The following LRRC14B variants were observed in gnomAD, a reference collection of about 807,000 sequenced individuals.
LRRC14B encodes the protein leucine rich repeat containing 14B, also known as leucine-rich repeat-containing protein 14B.
In LRRC14B, 23 loss-of-function variants were observed where a neutral mutation model predicts 16.9. The ratio of observed to expected loss-of-function variants is 1.36; its 90% CI spans 0.98 to 1.92. The LOEUF (loss-of-function observed/expected upper bound fraction) is 1.92. Among genes scored for constraint, LRRC14B ranks in the 30% most tolerant of loss-of-function variants. The pLI is 0.00. For synonymous variants in LRRC14B, 358 were observed against 332.5 expected, an observed-to-expected ratio of 1.08 and a Z score of -0.83; for missense variants, 766 against 705.7, an observed-to-expected ratio of 1.09 and a Z score of -0.97.
chr5:195,464 C>T lies in LRRC14B; in HGVS notation c.*111C>T, dbSNP rs150867587. The T allele has an allele frequency of 5.1e-4, 515 of 1,002,776 alleles. 1 individual carries two copies. The African/African-American group carries it at 7.7e-3, about 15-fold the overall frequency. The allele number at this position is 1,002,776 out of a possible 1,614,324, so 62.1% of individuals were successfully genotyped here. A position where few individuals can be genotyped will look rare whatever the true frequency, so the allele number is the denominator to read the frequency against. ...GCATTCATCCCCACCACCACCACCACCAAAAGCAGTTCTTAGTGAAAATTG... is the reference window on the plus strand; with the variant it reads ...GCATTCATCCCCACCACCACCACCATCAAAAGCAGTTCTTAGTGAAAATTG... On this transcript the variant is annotated 3_prime_UTR_variant, in exon 2 of 2. Transcript: ENST00000328278.
chr5:195,380 C>A lies in LRRC14B; in HGVS notation c.*27C>A. 1 of 1,586,644 alleles carries A rather than the reference C, an allele frequency of 6.3e-7. No individual in the cohort carries two copies. On this transcript the variant is annotated 3_prime_UTR_variant, in exon 2 of 2. Transcript: ENST00000328278. ...TCCTCCACTCGCACCAGTGACAGGT[C>A]TTGCATTTCAGCCTGCAGGTGCCCC...
chr5:192,140 T>C lies in LRRC14B; in HGVS notation c.602T>C (p.Leu201Pro). The change falls in exon 1 of 2, where the codon CTC (leucine) becomes CCC (proline). Residue 201 changes from leucine to proline, a missense_variant. Coordinates refer to ENST00000328278, the MANE Select transcript of LRRC14B (RefSeq NM_001080478.3). ...FRADSLSPSQ[L>P]LHVLRLAGPG... The stretch of plus-strand genomic sequence containing the variant: ...GCGGACAGCCTGAGCCCCAGCCAGC[T>C]CCTGCACGTGCTGCGTCTGGCTGGC... The C allele has an allele frequency of 1.9e-6, 3 of 1,589,274 alleles. No homozygotes were observed. Among genetic ancestry groups the C allele is most frequent in the South Asian group, 2.3e-5 (2 of 87,522 alleles).
Position 191,497 on chromosome 5 carries a change from A to G in LRRC14B, c.-42A>G, listed in dbSNP as rs371388293. On this transcript the variant is annotated 5_prime_UTR_variant, in exon 1 of 2. Transcript: ENST00000328278. ...AGCTAAAGATAGGCGTGAAGGGCAC[A>G]CGCCTTGGGGAAAGTCGTGGGGAGC... The G allele has an allele frequency of 6.4e-7, 1 of 1,561,706 alleles. No homozygotes were observed. Among genetic ancestry groups the G allele is most frequent in the African/African-American group, 1.4e-5 (1 of 73,670 alleles).
In LRRC14B at chr5:195,423, C is replaced by T. The variant is rs1013919995; in HGVS notation, c.*70C>T. On this transcript the variant is annotated 3_prime_UTR_variant, in exon 2 of 2. Coordinates refer to ENST00000328278, the MANE Select transcript of LRRC14B (RefSeq NM_001080478.3). ...GGTGCCCCGGGCTTTAGTCCTGGAT[C>T]TGAGGCTTGGGCCCGGCATTCATCC... is the stretch of plus-strand genomic sequence containing the variant. 1.3e-5 allele frequency: 19 copies of T among 1,421,086 alleles called. No homozygotes were observed. Among genetic ancestry groups the T allele is most frequent in the Non-Finnish European group, 1.8e-5 (19 of 1,052,100 alleles). 88.0% of individuals were successfully genotyped at this position (1,421,086 alleles called of 1,614,324 possible). A position where few individuals can be genotyped will look rare whatever the true frequency, so the allele number is the denominator to read the frequency against.
At chr5:193,460 G>A (rs1312923039) in intron 1 of LRRC14B, among the ~76,000 whole-genome samples, 1 of 145,828 alleles carries the variant, frequency 6.9e-6, no homozygotes, top group African/African-American at 2.6e-5. Context: ...TCCTGGTGGG[G>A]CGTTTGGCAG....
rs766620493 is a variant in LRRC14B at position 191,514 on chromosome 5, G to C, written c.-25G>C. The C allele has an allele frequency of 3.8e-6, 6 of 1,580,262 alleles. No homozygotes were observed. The highest frequency in any genetic ancestry group is 5.2e-6 in the Non-Finnish European group (6 of 1,158,414). On this transcript the variant is annotated 5_prime_UTR_variant, in exon 1 of 2. Coordinates refer to ENST00000328278, the MANE Select transcript of LRRC14B (RefSeq NM_001080478.3). ...AAGGGCACACGCCTTGGGGAAAGTC[G>C]TGGGGAGCGGTCCTGTCTCGGGCCA...
At chr5:192,966 T>C (rs1455383620) in intron 1 of LRRC14B, among the ~76,000 whole-genome samples, 1 of 152,054 alleles carries the variant, frequency 6.6e-6, no homozygotes, top group African/African-American at 2.4e-5. Flanking sequence ...ACAGGAGGCT[T>C]ATGCAGGATC....
rs114804588 is a variant in LRRC14B at position 195,676 on chromosome 5, G to A, written c.*323G>A. 4.0e-3 allele frequency: 1,559 copies of A among 392,092 alleles called. 25 individuals carry two copies. Among genetic ancestry groups the A allele is most frequent in the African/African-American group, 0.029 (1,417 of 48,784 alleles). 24.3% of individuals were successfully genotyped at this position (392,092 alleles called of 1,614,324 possible). A position where few individuals can be genotyped will look rare whatever the true frequency, so the allele number is the denominator to read the frequency against. ...AGCCCGGGAGGTGTGAGGAGTGGCC[G>A]ACCTGGCCTCAGCGCATCTGGGCAC... On this transcript the variant is annotated 3_prime_UTR_variant, in exon 2 of 2. Transcript: ENST00000328278.
At chr5:193,427 G>GA (rs2126487629) in intron 1 of LRRC14B, among the ~76,000 whole-genome samples, 1 of 148,142 alleles carries the variant, frequency 6.8e-6, no homozygotes, top group African/African-American at 2.5e-5. Flanking sequence ...GGGTTCTGGG[G>GA]GCTGGGGGCA....
In LRRC14B at chr5:191,548, A is replaced by T; in HGVS notation, c.10A>T (p.Met4Leu). The stretch of plus-strand genomic sequence containing the variant: ...GGTCCTGTCTCGGGCCATGGACACA[A>T]TGAGGTCACTCCGCTTCATTTCTGC... MDT[M>L]RSLRFISAEA... Residue 4 changes from methionine (M) to leucine (L), a missense_variant, in exon 1 of 2, where the codon ATG (methionine) becomes TTG (leucine). Coordinates refer to ENST00000328278, the MANE Select transcript of LRRC14B (RefSeq NM_001080478.3). 1.9e-6 allele frequency: 3 copies of T among 1,610,228 alleles called. No homozygotes were observed. The highest frequency in any genetic ancestry group is 1.7e-6 in the Non-Finnish European group (2 of 1,177,750).
chr5:195,504 A>T lies in LRRC14B; in HGVS notation c.*151A>T, dbSNP rs986779576. Among the ~76,000 whole-genome samples the T allele has an allele frequency of 2.0e-5, 3 of 152,206 alleles. No homozygotes were observed. The highest frequency in any genetic ancestry group is 4.4e-5 in the Non-Finnish European group (3 of 68,036). On this transcript the variant is annotated 3_prime_UTR_variant, in exon 2 of 2. Transcript: ENST00000328278. The stretch of plus-strand genomic sequence containing the variant: ...AGTGAAAATTGTAGGCGAGCCTGTT[A>T]AGCGTTGTAGAAGAGGAAGCCTTCC...
chr5:194,638 A>G (rs1218654863), intron 1 of LRRC14B, 70 bp from the exon 2 acceptor site: 1 of 1,453,252 alleles, frequency 6.9e-7, no homozygotes, highest in Non-Finnish European at 9.2e-7. Flanking sequence ...GGTTGTTCCC[A>G]TTCGCCTGAG....
chr5:194,926 T>C lies in LRRC14B; in HGVS notation c.1118T>C (p.Val373Ala). ...CTGACACTGGAGGAGTGTGGCATCG[T>C]AGACAGCCACGTTGGCATGCTGATC... ...RILTLEECGIVDSHVGMLILG... is the reference protein window; with the variant it reads ...RILTLEECGIADSHVGMLILG... The change falls in exon 2 of 2, where the codon GTA becomes GCA. Residue 373 changes from valine (V) to alanine (A), a missense_variant. Physicochemically the swap from Val to Ala is moderately conservative, Grantham distance 64 (BLOSUM62 0). Coordinates refer to ENST00000328278, the MANE Select transcript of LRRC14B (RefSeq NM_001080478.3). The C allele has an allele frequency of 2.5e-6, 4 of 1,611,956 alleles. No individual in the cohort carries two copies. Among genetic ancestry groups the C allele is most frequent in the Non-Finnish European group, 2.5e-6 (3 of 1,179,062 alleles).
In LRRC14B at chr5:191,836, C is replaced by T; in HGVS notation, c.298C>T (p.Gln100Ter). The T allele has an allele frequency of 6.5e-7, 1 of 1,528,360 alleles. No homozygotes were observed. Among genetic ancestry groups the T allele is most frequent in the Non-Finnish European group, 8.7e-7 (1 of 1,143,072 alleles). The allele number at this position is 1,528,360 out of a possible 1,614,324, so 94.7% of individuals were successfully genotyped here. A position where few individuals can be genotyped will look rare whatever the true frequency, so the allele number is the denominator to read the frequency against. ...GCGCGGCCTCGCGGACCACGTGCTGCAGGACCGGAGCCGCCGGCGGCTGCG... is the reference window on the plus strand; with the variant it reads ...GCGCGGCCTCGCGGACCACGTGCTGTAGGACCGGAGCCGCCGGCGGCTGCG... ...LVRGLADHVLQDRSRRRLRVA... is the reference protein window; with the variant it reads ...LVRGLADHVL The change falls in exon 1 of 2, where the codon CAG (glutamine) becomes TAG (stop). Residue 100 changes from glutamine to a stop codon, truncating the protein, a stop_gained. Coordinates refer to ENST00000328278, the MANE Select transcript of LRRC14B (RefSeq NM_001080478.3). LOFTEE classifies it high-confidence loss of function.
In LRRC14B at chr5:195,184, GTGCCGTGCTGC is replaced by G. The variant is rs1553994333; in HGVS notation, c.1380_1390del (p.Val461GlyfsTer2). The G allele has an allele frequency of 1.9e-6, 3 of 1,613,744 alleles. No individual in the cohort carries two copies. The highest frequency in any genetic ancestry group is 1.7e-6 in the Non-Finnish European group (2 of 1,179,902). ...TACGACGAGATCGCCGAGGAGCTGC[GTGCCGTGCTGC>G]TGCGGGCTGACCGAGAGGACATCCA... is the stretch of plus-strand genomic sequence containing the variant. On this transcript the variant is annotated frameshift_variant, in exon 2 of 2. Transcript: ENST00000328278. LOFTEE classifies it low-confidence loss of function (END_TRUNC).
In LRRC14B at chr5:191,719, G is replaced by A. The variant is rs540341572; in HGVS notation, c.181G>A (p.Glu61Lys). The A allele has an allele frequency of 2.5e-6, 4 of 1,581,190 alleles. No individual in the cohort carries two copies. In the Admixed American group the frequency reaches 5.4e-5, roughly 21 times the overall value. ...RAVLGRWPLE[E>K]FRLGALLGPG... ...GGTGCTGGGGCGCTGGCCCCTGGAG[G>A]AGTTCCGGCTGGGAGCGCTGCTGGG... The change falls in exon 1 of 2, where the codon GAG (glutamate) becomes AAG (lysine). Residue 61 changes from glutamate (E) to lysine (K), a missense_variant. Coordinates refer to ENST00000328278, the MANE Select transcript of LRRC14B (RefSeq NM_001080478.3).
At chr5:194,296 T>C (rs1733869899) in intron 1 of LRRC14B, among the ~76,000 whole-genome samples, 1 of 152,140 alleles carries the variant, frequency 6.6e-6, no homozygotes, top group Non-Finnish European at 1.5e-5. Context: ...GAGTGGACGT[T>C]CTCGTGGTCA....
intron 1 of LRRC14B, among the ~76,000 whole-genome samples, chr5:193,787 G>T (rs59450179): frequency 6.6e-6 from 1 of 151,880 alleles, no homozygotes; most frequent in African/African-American, 2.4e-5. Flanking sequence ...TGTCCTGGGC[G>T]GGACATGCAG....
chr5:194,167 C>G (rs987792578), intron 1 of LRRC14B, among the ~76,000 whole-genome samples: 1 of 148,380 alleles, frequency 6.7e-6, no homozygotes, highest in Admixed American at 6.7e-5. Context: ...GTCTCACTGC[C>G]CCCCGCCGTC....
Sources: gnomAD v4.1 joint callset for allele counts (sites outside exome capture counted in the v4.1 genomes callset) on GRCh38, gnomAD v4.1.1 for gene constraint, MANE v1.5 for transcripts, NCBI Gene and HGNC (gene_info 2026-07-23, HGNC 2026-07-21) for gene names.